The following SPATS1 variants were observed in gnomAD, a reference collection of about 807,000 sequenced individuals.
SPATS1 encodes spermatogenesis-associated serine-rich protein 1.
SPATS1 carries 23 observed loss-of-function variants against 33.6 expected under a neutral mutation model. The observed-to-expected ratio is 0.68, with a 90% CI of 0.49 to 0.97. The LOEUF is 0.97. Ranked by LOEUF, SPATS1 falls within the 50% of genes least tolerant of loss-of-function variation. The pLI is 0.00. For missense variants in SPATS1, 327 were observed against 361.0 expected (o/e 0.91, Z 0.76); for synonymous variants, 131 against 125.6 (o/e 1.04, Z -0.29).
chr6:44,370,191 A>C (rs910837281), intron 7 of SPATS1, 78 bp downstream of exon 7: 58 of 1,360,202 alleles, frequency 4.3e-5, no homozygotes, highest in Non-Finnish European at 6.0e-5. Context: ...TATGTGGAGG[A>C]GCAGGTAGAT....
rs539782259 is a variant in SPATS1 at position 44,352,742 on chromosome 6, T to C, written c.156T>C (p.Asp52=). Reference sequence around the variant, plus strand: ...GTGTTACAGGTGCTAATTGCAGTGATTTTCTGGAATCTAAGGGATGTTTTG... The same window carrying C: ...GTGTTACAGGTGCTAATTGCAGTGACTTTCTGGAATCTAAGGGATGTTTTG... ...VERTYSANCS[D]FLESKGCFAN... The change falls in exon 3 of 9, where the codon GAT becomes GAC. Residue 52 remains aspartate (D), a synonymous_variant. Transcript: ENST00000674044. 1.2e-6 allele frequency: 2 copies of C among 1,614,130 alleles called. No homozygotes were observed. Among genetic ancestry groups the C allele is most frequent in the South Asian group, 2.2e-5 (2 of 91,076 alleles).
chr6:44,375,841 C>T (rs535716209), intron 7 of SPATS1, among the ~76,000 whole-genome samples: 5 of 151,788 alleles, frequency 3.3e-5, no homozygotes, highest in African/African-American at 9.7e-5. Flanking sequence ...TATAGTGGCT[C>T]ACAACTGTAA....
At chr6:44,376,690 C>T (rs1191677214) in intron 8 of SPATS1, among the ~76,000 whole-genome samples, 1 of 152,184 alleles carries the variant, frequency 6.6e-6, no homozygotes, top group Admixed American at 6.5e-5. Context: ...ATCCCAGCTA[C>T]TCAGGAGGCT....
At chr6:44,353,003 C>A in intron 3 of SPATS1, 130 bp downstream of exon 3, 1 of 926,378 alleles carries the variant, frequency 1.1e-6, no homozygotes, top group Non-Finnish European at 1.6e-6. Flanking sequence ...GGGTTCAAAT[C>A]CCGGTTCTGC....
intron 2 of SPATS1, among the ~76,000 whole-genome samples, chr6:44,345,685 T>G (rs950230): frequency 0.77 from 117,898 of 152,176 alleles, 45,855 homozygotes; most frequent in Middle Eastern, 0.81. Context: ...TCACATGCAA[T>G]TATTGACATA....
intron 7 of SPATS1, among the ~76,000 whole-genome samples, chr6:44,373,216 T>G (rs577141604): frequency 1.3e-5 from 2 of 152,204 alleles, no homozygotes; most frequent in Admixed American, 6.5e-5. Flanking sequence ...CTCAAACTCA[T>G]AGAGAATGCC....
At chr6:44,346,563 T>C (rs1382300528) in intron 2 of SPATS1, among the ~76,000 whole-genome samples, 1 of 152,098 alleles carries the variant, frequency 6.6e-6, no homozygotes, top group African/African-American at 2.4e-5. Flanking sequence ...TTTTAGTTTT[T>C]TGTAGAGACC....
intron 2 of SPATS1, among the ~76,000 whole-genome samples, chr6:44,352,349 G>A (rs1186631382): frequency 2.6e-5 from 4 of 151,892 alleles, no homozygotes; most frequent in African/African-American, 4.8e-5. Context: ...GGTTGGTCTC[G>A]AACTCCTGAC....
chr6:44,342,909 G>A, intron 1 of SPATS1, 141 bp downstream of exon 1: 1 of 1,247,516 alleles, frequency 8.0e-7, no homozygotes, highest in Non-Finnish European at 1.1e-6. Flanking sequence ...GACTCGCTGG[G>A]GCTCCCAGGG....
At chr6:44,360,618 CA>C (rs1788857626) in intron 4 of SPATS1, 48 bp downstream of exon 4, 1 of 1,607,770 alleles carries the variant, frequency 6.2e-7, no homozygotes, top group Non-Finnish European at 8.5e-7. Context: ...CAGGTCTTTT[CA>C]GAAGTCTGCC....
At chr6:44,369,126 G>GA (rs1789435827) in intron 6 of SPATS1, among the ~76,000 whole-genome samples, 1 of 152,094 alleles carries the variant, frequency 6.6e-6, no homozygotes, top group South Asian at 2.1e-4. Context: ...TTGATCTCCT[G>GA]ACCTCGTGAT....
At chr6:44,345,693 A>G (rs1787833722) in intron 2 of SPATS1, among the ~76,000 whole-genome samples, 1 of 152,240 alleles carries the variant, frequency 6.6e-6, no homozygotes, top group Admixed American at 6.5e-5. Flanking sequence ...AATTATTGAC[A>G]TAGAGGACAT....
At chr6:44,370,367 T>C (rs767807004) in intron 7 of SPATS1, among the ~76,000 whole-genome samples, 2 of 152,142 alleles carry the variant, frequency 1.3e-5, no homozygotes, top group Non-Finnish European at 2.9e-5. Context: ...CCATGCACTA[T>C]AGGAGAGTTC....
At chr6:44,352,090 G>C (rs554462502) in intron 2 of SPATS1, among the ~76,000 whole-genome samples, 1 of 152,184 alleles carries the variant, frequency 6.6e-6, no homozygotes, top group Admixed American at 6.5e-5. Context: ...TCAGGCTTTA[G>C]TGTCACAAGA....
intron 2 of SPATS1, among the ~76,000 whole-genome samples, chr6:44,345,698 G>A (rs1328698001): frequency 6.6e-6 from 1 of 152,190 alleles, no homozygotes; most frequent in Non-Finnish European, 1.5e-5. Context: ...TTGACATAGA[G>A]GACATCTTTG....
At chr6:44,346,099 G>A (rs145617558) in intron 2 of SPATS1, among the ~76,000 whole-genome samples, 5,911 of 152,048 alleles carry the variant, frequency 0.039, 162 homozygotes, top group Middle Eastern at 0.082. Context: ...TGGGCAACAT[G>A]GTGAGACCCC....
At chr6:44,349,166 G>A (rs1788084374) in intron 2 of SPATS1, among the ~76,000 whole-genome samples, 2 of 151,590 alleles carry the variant, frequency 1.3e-5, no homozygotes, top group South Asian at 2.1e-4. Context: ...GGGTGTGGTG[G>A]CATGCACCTG....
intron 2 of SPATS1, 61 bp downstream of exon 2, chr6:44,343,295 G>A (rs1396682298): frequency 4.4e-6 from 7 of 1,584,906 alleles, no homozygotes; most frequent in African/African-American, 4.1e-5. Flanking sequence ...TACTACACCC[G>A]GGGGCGGGGG....
chr6:44,372,755 A>G (rs1789703668), intron 7 of SPATS1, among the ~76,000 whole-genome samples: 1 of 152,280 alleles, frequency 6.6e-6, no homozygotes, highest in East Asian at 1.9e-4. Context: ...CCACCGCAAC[A>G]GGCCTTGTGG....
Sources: gnomAD v4.1 joint callset for allele counts (sites outside exome capture counted in the v4.1 genomes callset) on GRCh38, gnomAD v4.1.1 for gene constraint, MANE v1.5 for transcripts, NCBI Gene and HGNC (gene_info 2026-07-23, HGNC 2026-07-21) for gene names.